HEG1: variants seen among roughly 807,000 people sequenced by gnomAD.
The protein encoded by HEG1 is protein HEG homolog 1.
A neutral mutation model predicts 125.6 loss-of-function variants in HEG1; 56 were observed. The ratio of observed to expected loss-of-function variants is 0.45; its 90% CI spans 0.36 to 0.56. The LOEUF (loss-of-function observed/expected upper bound fraction) is 0.56. Among genes scored for constraint, HEG1 ranks in the 20% least tolerant of loss-of-function variants. HEG1 has a pLI of 0.00. For synonymous variants in HEG1, 644 were observed against 668.5 expected (o/e 0.96, Z 0.57); for missense variants, 1,523 against 1,670.0 (o/e 0.91, Z 1.53).
intron 3 of HEG1, among the ~76,000 whole-genome samples, chr3:125,022,248 T>G (rs957664593): frequency 1.3e-5 from 2 of 152,178 alleles, no homozygotes; most frequent in Admixed American, 6.5e-5. Context: ...TAAAAAGTAC[T>G]CTACACTTAT....
chr3:125,018,205 A>G (rs961800061), intron 5 of HEG1, among the ~76,000 whole-genome samples: 5 of 152,358 alleles, frequency 3.3e-5, no homozygotes, highest in African/African-American at 1.2e-4. Context: ...TAAGCCACGA[A>G]AAGGAACGAA....
At chr3:124,988,803 G>C (rs923168088) in intron 14 of HEG1, among the ~76,000 whole-genome samples, 3 of 152,200 alleles carry the variant, frequency 2.0e-5, no homozygotes, top group Non-Finnish European at 2.9e-5. Context: ...TGTTGTCCCA[G>C]CTACTTGGGA....
At chr3:125,010,600 T>C (rs1332035399) in intron 6 of HEG1, 45 bp from the exon 7 acceptor site, 3 of 1,134,250 alleles carry the variant, frequency 2.6e-6, no homozygotes, top group Non-Finnish European at 3.8e-6. Flanking sequence ...ACACAGGAAA[T>C]GTAAAGGCAG....
intron 1 of HEG1, among the ~76,000 whole-genome samples, chr3:125,040,465 C>T (rs778509616): frequency 2.0e-5 from 3 of 152,084 alleles, no homozygotes; most frequent in Admixed American, 6.5e-5. Context: ...TCATATTGCT[C>T]AAAAGGGAGC....
At chr3:125,004,239 A>G (rs1286003774) in intron 9 of HEG1, among the ~76,000 whole-genome samples, 2 of 152,242 alleles carry the variant, frequency 1.3e-5, no homozygotes, top group African/African-American at 2.4e-5. Flanking sequence ...GTAGAAATGT[A>G]TAATTCCTAG....
chr3:125,010,908 A>G (rs1937148883), intron 6 of HEG1, among the ~76,000 whole-genome samples: 2 of 152,226 alleles, frequency 1.3e-5, no homozygotes, highest in African/African-American at 2.4e-5. Context: ...AGCACACTTT[A>G]GGGGGGAAAA....
chr3:125,053,024 G>A (rs1937847189), intron 1 of HEG1, among the ~76,000 whole-genome samples: 1 of 152,208 alleles, frequency 6.6e-6, no homozygotes, highest in Admixed American at 6.5e-5. Flanking sequence ...GGCACGAAAG[G>A]CCTGCAGGAA....
At chr3:125,020,306 G>A (rs1937316424) in intron 4 of HEG1, among the ~76,000 whole-genome samples, 1 of 152,274 alleles carries the variant, frequency 6.6e-6, no homozygotes, top group African/African-American at 2.4e-5. Context: ...TGCACCTGTA[G>A]TCCCAGCTAC....
chr3:125,046,714 G>A (rs1423277772), intron 1 of HEG1, among the ~76,000 whole-genome samples: 1 of 152,230 alleles, frequency 6.6e-6, no homozygotes, highest in Non-Finnish European at 1.5e-5. Flanking sequence ...AGATGCAGTA[G>A]ATAGAGATCC....
At chr3:125,030,644 G>T (rs1021861060) in intron 1 of HEG1, among the ~76,000 whole-genome samples, 9 of 152,194 alleles carry the variant, frequency 5.9e-5, no homozygotes, top group Non-Finnish European at 7.3e-5. Flanking sequence ...CAGTAAATAT[G>T]CATGGAGGTA....
chr3:124,974,621 T>G lies in HEG1; in HGVS notation c.3822-716A>C, dbSNP rs550439641. On this transcript the variant is annotated intron_variant, in intron 15 of 16. Coordinates refer to ENST00000311127, the MANE Select transcript of HEG1 (RefSeq NM_020733.2). ...CAGCAGGTTACAGAAATGCTACTCG[T>G]GAGATCTCACTGACTGCAAATTGTT... Among the ~76,000 whole-genome samples, 8 of 152,314 alleles carry G rather than the reference T, an allele frequency of 5.3e-5. No homozygotes were observed. The South Asian group carries it at 1.4e-3, about 28-fold the overall frequency.
At chr3:125,051,946 C>A (rs1272829688) in intron 1 of HEG1, among the ~76,000 whole-genome samples, 1 of 152,148 alleles carries the variant, frequency 6.6e-6, no homozygotes, top group Non-Finnish European at 1.5e-5. Flanking sequence ...GACAAGGATG[C>A]AGAAACTGCC....
At chr3:124,991,025 A>G (rs571444386) in intron 12 of HEG1, 39 bp from the exon 13 acceptor site, 18 of 1,500,976 alleles carry the variant, frequency 1.2e-5, no homozygotes, top group Admixed American at 1.0e-4. Flanking sequence ...GTGTCTATTT[A>G]CCTCTCCCAA....
chr3:125,043,142 T>C (rs1433249239), intron 1 of HEG1, among the ~76,000 whole-genome samples: 1 of 152,252 alleles, frequency 6.6e-6, no homozygotes, highest in African/African-American at 2.4e-5. Flanking sequence ...GCAAGCGCTC[T>C]AGCGATGAAG....
intron 8 of HEG1, among the ~76,000 whole-genome samples, chr3:125,009,289 T>TG (rs541882438): frequency 1.4e-3 from 206 of 152,102 alleles, no homozygotes; most frequent in Middle Eastern, 3.4e-3. Flanking sequence ...CTAAATTGTT[T>TG]TTTTTTTTTT....
chr3:124,970,342 A>C lies in HEG1; in HGVS notation c.*310T>G, dbSNP rs1256237585. Reference sequence around the variant, plus strand: ...AAGGGAAAACCAGGTCCCTGCACTGAAGTCTAGTGGTCTGCCCTGGCTAAT... The same window carrying C: ...AAGGGAAAACCAGGTCCCTGCACTGCAGTCTAGTGGTCTGCCCTGGCTAAT... On this transcript the variant is annotated 3_prime_UTR_variant, in exon 17 of 17. Transcript: ENST00000311127. 1.1e-5 allele frequency: 3 copies of C among 263,988 alleles called. No individual in the cohort carries two copies. Among genetic ancestry groups the C allele is most frequent in the Non-Finnish European group, 2.1e-5 (3 of 140,544 alleles). 16.4% of individuals were successfully genotyped at this position (263,988 alleles called of 1,614,324 possible). A position where few individuals can be genotyped will look rare whatever the true frequency, so the allele number is the denominator to read the frequency against.
chr3:125,028,303 A>G (rs1937447599), intron 2 of HEG1, among the ~76,000 whole-genome samples: 1 of 152,188 alleles, frequency 6.6e-6, no homozygotes, highest in Non-Finnish European at 1.5e-5. Flanking sequence ...TTGTTACCAC[A>G]CCAAATCTAA....
In HEG1 at chr3:124,968,937, G is replaced by A. The variant is rs1251230240; in HGVS notation, c.*1715C>T. On this transcript the variant is annotated 3_prime_UTR_variant, in exon 17 of 17. Coordinates refer to ENST00000311127, the MANE Select transcript of HEG1 (RefSeq NM_020733.2). ...ATAAGTGCAATGTAACTACTAAAATGCACCTCCCCTGACTAGGACTCTTGC... is the reference window on the plus strand; with the variant it reads ...ATAAGTGCAATGTAACTACTAAAATACACCTCCCCTGACTAGGACTCTTGC... The A allele has an allele frequency of 2.0e-5, 3 of 152,220 alleles. No homozygotes were observed. The highest frequency in any genetic ancestry group is 4.4e-5 in the Non-Finnish European group (3 of 68,038). 9.4% of individuals were successfully genotyped at this position (152,220 alleles called of 1,614,324 possible).
Position 124,997,698 on chromosome 3 carries a change from A to C in HEG1, c.3643T>G (p.Ser1215Ala). Reference protein sequence around the residue: ...GYFQFNKMDHSCRACEDGYRL... With the variant: ...GYFQFNKMDHACRACEDGYRL... Reference sequence around the variant, plus strand: ...GCGAAGCTGTGGCTACCTCGGCAGGAGTGGTCCATCTTGTTGAACTGAAAG... The same window carrying C: ...GCGAAGCTGTGGCTACCTCGGCAGGCGTGGTCCATCTTGTTGAACTGAAAG... The change falls in exon 12 of 17, where the codon TCC becomes GCC. Residue 1215 changes from serine to alanine, a missense_variant. Physicochemically the swap from Ser to Ala is moderately conservative, Grantham distance 99. Coordinates refer to ENST00000311127, the MANE Select transcript of HEG1 (RefSeq NM_020733.2). 6.3e-7 allele frequency: 1 copy of C among 1,579,660 alleles called. No individual in the cohort carries two copies. The highest frequency in any genetic ancestry group is 1.7e-4 in the Middle Eastern group (1 of 5,978).
Sources: gnomAD v4.1 joint callset for allele counts (sites outside exome capture counted in the v4.1 genomes callset) on GRCh38, gnomAD v4.1.1 for gene constraint, MANE v1.5 for transcripts, NCBI Gene and HGNC (gene_info 2026-07-23, HGNC 2026-07-21) for gene names.